JKAMP: variants seen among roughly 807,000 people sequenced by gnomAD.
JKAMP encodes the protein JNK1/MAPK8-associated membrane protein.
A neutral mutation model predicts 40.2 loss-of-function variants in JKAMP; 20 were observed. That is an observed-to-expected ratio of 0.50 (90% CI 0.35 to 0.72). JKAMP has a LOEUF of 0.72. JKAMP is among the 30% of genes least tolerant of loss of function. JKAMP has a pLI of 0.01. For missense variants in JKAMP, 276 were observed against 373.0 expected, an observed-to-expected ratio of 0.74 and a Z score of 2.14; for synonymous variants, 138 against 131.6, an observed-to-expected ratio of 1.05 and a Z score of -0.33.
chr14:59,500,111 AT>A (rs1222693897), intron 5 of JKAMP, among the ~76,000 whole-genome samples: 1 of 152,146 alleles, frequency 6.6e-6, no homozygotes, highest in Non-Finnish European at 1.5e-5. Flanking sequence ...CATTAGCAAC[AT>A]TGTTTAGCTA....
intron 1 of JKAMP, chr14:59,485,431 T>G (rs1265734341): frequency 7.6e-6 from 2 of 263,916 alleles, no homozygotes; most frequent in Non-Finnish European, 1.4e-5. Flanking sequence ...TGGAGGAATA[T>G]TATTCAATGC....
At chr14:59,489,185 C>T (rs924573810) in intron 3 of JKAMP, among the ~76,000 whole-genome samples, 1 of 126,604 alleles carries the variant, frequency 7.9e-6, no homozygotes, top group African/African-American at 3.4e-5. Flanking sequence ...CTCCGCTTTC[C>T]TTTTTAAGTA....
intron 3 of JKAMP, among the ~76,000 whole-genome samples, chr14:59,491,834 T>C (rs929699184): frequency 1.3e-5 from 2 of 152,218 alleles, no homozygotes; most frequent in Non-Finnish European, 2.9e-5. Flanking sequence ...AGCAGTGTTA[T>C]CTGGATACTG....
intron 1 of JKAMP, chr14:59,484,882 C>G: frequency 7.7e-7 from 1 of 1,305,190 alleles, no homozygotes; most frequent in South Asian, 1.6e-5. Flanking sequence ...GGAACACTTG[C>G]TTGAGGGTTG....
chr14:59,488,354 A>G (rs1280249226), intron 3 of JKAMP, among the ~76,000 whole-genome samples: 1 of 152,216 alleles, frequency 6.6e-6, no homozygotes, highest in Non-Finnish European at 1.5e-5. Flanking sequence ...AAGTGTGTAC[A>G]TAATTATAAA....
intron 4 of JKAMP, among the ~76,000 whole-genome samples, chr14:59,495,611 A>T (rs889372238): frequency 5.3e-5 from 8 of 152,174 alleles, no homozygotes; most frequent in Non-Finnish European, 8.8e-5. Flanking sequence ...AAAATTCTGT[A>T]TGCAATTATG....
intron 1 of JKAMP, among the ~76,000 whole-genome samples, chr14:59,486,399 TA>T (rs1890577511): frequency 6.6e-6 from 1 of 152,204 alleles, no homozygotes; most frequent in Non-Finnish European, 1.5e-5. Context: ...ATTTGAACTT[TA>T]TAATCAGTTA....
chr14:59,501,313 G>T, intron 6 of JKAMP, 46 bp downstream of exon 6: 1 of 1,234,288 alleles, frequency 8.1e-7, no homozygotes, highest in Non-Finnish European at 1.2e-6. Context: ...TGATAAATTT[G>T]ACAATTCAAT....
At chr14:59,494,609 G>C (rs958325811) in intron 3 of JKAMP, among the ~76,000 whole-genome samples, 3 of 152,194 alleles carry the variant, frequency 2.0e-5, no homozygotes, top group Non-Finnish European at 2.9e-5. Flanking sequence ...AGGTATGGAT[G>C]GGGAGGAACA....
At chr14:59,494,439 GA>G (rs1048886247) in intron 3 of JKAMP, among the ~76,000 whole-genome samples, 5 of 151,764 alleles carry the variant, frequency 3.3e-5, no homozygotes, top group African/African-American at 1.2e-4. Flanking sequence ...ATTTTGAGTA[GA>G]AAAAAAATCT....
rs781564049 is a variant in JKAMP, at chr14:59,501,196, G to A, written c.646G>A (p.Ala216Thr). The A allele has an allele frequency of 5.3e-5, 84 of 1,578,726 alleles. No individual in the cohort carries two copies. The highest frequency in any genetic ancestry group is 3.3e-4 in the Middle Eastern group (2 of 5,978). ...QAVGGGLLYY[A>T]FPYIILVLSL... ...TACCAATGCTTATCTTTCAGATTAC[G>A]CCTTCCCATACATTATATTAGTGTT... Residue 216 changes from alanine (A) to threonine (T), a missense_variant, in exon 6 of 7, where the codon GCC becomes ACC. Ala to Thr is a moderately conservative substitution (Grantham distance 58, BLOSUM62 0). Transcript: ENST00000616435.
chr14:59,503,997 A>G lies in JKAMP; in HGVS notation c.861A>G (p.Pro287=), dbSNP rs939378160. 1.2e-6 allele frequency: 2 copies of G among 1,613,844 alleles called. No individual in the cohort carries two copies. The highest frequency in any genetic ancestry group is 8.5e-7 in the Non-Finnish European group (1 of 1,179,772). ...DLPLLALVPT[P]ALFYLFTAKF... is the part of the protein sequence containing the mutation. ...CCCTTTTGGCTTTGGTACCTACACCAGCCCTTTTTTACTTGTTCACTGCAA... is the reference window on the plus strand; with the variant it reads ...CCCTTTTGGCTTTGGTACCTACACCGGCCCTTTTTTACTTGTTCACTGCAA... The change falls in exon 7 of 7, where the codon CCA becomes CCG. Residue 287 remains proline (P), a synonymous_variant. Coordinates refer to ENST00000616435, the MANE Select transcript of JKAMP (RefSeq NM_016475.5).
intron 5 of JKAMP, among the ~76,000 whole-genome samples, chr14:59,500,666 G>T (rs1374723899): frequency 6.6e-6 from 1 of 152,076 alleles, no homozygotes; most frequent in Non-Finnish European, 1.5e-5. Flanking sequence ...ACAAAACACA[G>T]AAAATTATTT....
At chr14:59,489,042 A>C (rs1432269007) in intron 3 of JKAMP, among the ~76,000 whole-genome samples, 1 of 152,240 alleles carries the variant, frequency 6.6e-6, no homozygotes, top group Non-Finnish European at 1.5e-5. Context: ...TGTGTTGGCT[A>C]TTAGCACTTG....
Position 59,486,701 on chromosome 14 carries a change from G to T in JKAMP, c.5-12G>T. The T allele has an allele frequency of 6.4e-7, 1 of 1,551,150 alleles. No individual in the cohort carries two copies. The highest frequency in any genetic ancestry group is 8.8e-7 in the Non-Finnish European group (1 of 1,139,814). Reference sequence around the variant, plus strand: ...AAAAGATGTTACTATACTGGCATTTGTTTTTAAAAAGCTGTCGATATTCAA... The same window carrying T: ...AAAAGATGTTACTATACTGGCATTTTTTTTTAAAAAGCTGTCGATATTCAA... On this transcript the variant is annotated splice_polypyrimidine_tract_variant and intron_variant, in intron 1 of 6. Coordinates refer to ENST00000616435, the MANE Select transcript of JKAMP (RefSeq NM_016475.5).
chr14:59,504,109 C>T lies in JKAMP; in HGVS notation c.*37C>T. On this transcript the variant is annotated 3_prime_UTR_variant, in exon 7 of 7. Transcript: ENST00000616435. ...TGAAATGCCAAAAACCTGAGAAGTG[C>T]TCCTAATAAAAAAGTAAATCAATCT... is the stretch of plus-strand genomic sequence containing the variant. The T allele has an allele frequency of 7.8e-7, 1 of 1,279,370 alleles. No homozygotes were observed. Among genetic ancestry groups the T allele is most frequent in the South Asian group, 1.2e-5 (1 of 82,750 alleles). The allele number at this position is 1,279,370 out of a possible 1,614,324, so 79.3% of individuals were successfully genotyped here.
At chr14:59,499,227 C>A (rs1891688250) in intron 5 of JKAMP, among the ~76,000 whole-genome samples, 1 of 151,560 alleles carries the variant, frequency 6.6e-6, no homozygotes, top group Non-Finnish European at 1.5e-5. Context: ...GGGGTTTCAC[C>A]ATGTTGGCCA....
At chr14:59,491,379 G>A (rs1890991122) in intron 3 of JKAMP, among the ~76,000 whole-genome samples, 1 of 152,162 alleles carries the variant, frequency 6.6e-6, no homozygotes, top group South Asian at 2.1e-4. Context: ...ATTTCATTTT[G>A]TAAAGATTAT....
chr14:59,489,637 G>A (rs1890839855), intron 3 of JKAMP, among the ~76,000 whole-genome samples: 1 of 152,160 alleles, frequency 6.6e-6, no homozygotes, highest in Admixed American at 6.5e-5. Flanking sequence ...CTACCCTTCA[G>A]TTTCAGTTTT....
Sources: gnomAD v4.1 joint callset for allele counts (sites outside exome capture counted in the v4.1 genomes callset) on GRCh38, gnomAD v4.1.1 for gene constraint, MANE v1.5 for transcripts, NCBI Gene and HGNC (gene_info 2026-07-23, HGNC 2026-07-21) for gene names.